The following LRFN5 variants were observed in gnomAD, a reference collection of about 807,000 sequenced individuals.
LRFN5 encodes the protein leucine rich repeat and fibronectin type III domain containing 5, also known as leucine-rich repeat and fibronectin type-III domain-containing protein 5.
Under a neutral mutation model 45.6 loss-of-function variants are expected in LRFN5, and 24 were observed. The ratio of observed to expected loss-of-function variants is 0.53; its 90% CI spans 0.38 to 0.74. LRFN5 has a LOEUF of 0.74. Among genes scored for constraint, LRFN5 ranks in the 30% least tolerant of loss-of-function variants. The pLI, the probability that LRFN5 is intolerant of heterozygous loss-of-function variation, is 0.00. For missense variants in LRFN5, 776 were observed against 861.5 expected (o/e 0.90, Z 1.24); for synonymous variants, 340 against 313.8 (o/e 1.08, Z -0.88).
intron 1 of LRFN5, among the ~76,000 whole-genome samples, chr14:41,678,424 A>C (rs1035932549): frequency 4.6e-5 from 7 of 152,138 alleles, no homozygotes; most frequent in African/African-American, 1.7e-4. Flanking sequence ...TTGCAGGGAG[A>C]AATAGACAAT....
In LRFN5 at chr14:41,887,697, AT is replaced by A; in HGVS notation, c.1074del (p.Ile358MetfsTer12). 9 of 1,614,150 alleles carry A rather than the reference AT, an allele frequency of 5.6e-6. No individual in the cohort carries two copies. Among genetic ancestry groups the A allele is most frequent in the Non-Finnish European group, 7.6e-6 (9 of 1,180,020 alleles). ...AAAGGATACAGGTGCTTTTACCTGC[AT>A]TGCTTCCAATCCTGCTGGGGAAGCA... ...TVKDTGAFTC[I>X]ASNPAGEATQ... On this transcript the variant is annotated frameshift_variant, in exon 3 of 6. Transcript: ENST00000298119. LOFTEE classifies it high-confidence loss of function. The surrounding 1 kb of genome is among the most constrained non-coding windows in gnomAD (Gnocchi z 4.8).
At chr14:41,742,192 T>A (rs915401929) in intron 1 of LRFN5, among the ~76,000 whole-genome samples, 3 of 151,866 alleles carry the variant, frequency 2.0e-5, no homozygotes, top group Non-Finnish European at 2.9e-5. Flanking sequence ...GAAATCAGCA[T>A]GTGAACGAGA....
chr14:41,725,491 CAG>C (rs1883892905), intron 1 of LRFN5, among the ~76,000 whole-genome samples: 1 of 152,160 alleles, frequency 6.6e-6, no homozygotes, highest in Non-Finnish European at 1.5e-5. Context: ...CACTGCCTGA[CAG>C]ATGAAAACTA....
rs535632926 is a variant in LRFN5, at chr14:41,800,776, AG to A, written c.-21+33748del. Among the ~76,000 whole-genome samples the A allele has an allele frequency of 2.4e-3, 340 of 140,650 alleles. 2 individuals carry two copies. Among genetic ancestry groups the A allele is most frequent in the Non-Finnish European group, 4.1e-3 (263 of 64,518 alleles). The allele number at this position is 140,650 out of a possible 152,430, so 92.3% of individuals were successfully genotyped here. On this transcript the variant is annotated intron_variant, in intron 2 of 5. Transcript: ENST00000298119. ...CCTAACTCATAAAAGATTACCCTGG[AG>A]AAAAAAAAAACACTGCAGTTCAAGG...
At chr14:41,734,318 A>ATATATATATATG (rs1884320189) in intron 1 of LRFN5, among the ~76,000 whole-genome samples, 8 of 59,588 alleles carry the variant, frequency 1.3e-4, no homozygotes, top group Non-Finnish European at 2.2e-4. Context: ...GACTGGTTTT[A>ATATATATATATG]TATATATATA....
chr14:41,796,618 A>C (rs1887140263), intron 2 of LRFN5, among the ~76,000 whole-genome samples: 1 of 151,930 alleles, frequency 6.6e-6, no homozygotes, highest in Admixed American at 6.6e-5. Flanking sequence ...GCATCTTATT[A>C]TATTAGCAAT....
intron 1 of LRFN5, among the ~76,000 whole-genome samples, chr14:41,626,080 C>G (rs1394346156): frequency 6.6e-6 from 1 of 151,840 alleles, no homozygotes; most frequent in Middle Eastern, 3.2e-3. Context: ...GTGGGAGGTT[C>G]TAGGGTAGGA....
chr14:41,660,605 C>T (rs1030962909), intron 1 of LRFN5, among the ~76,000 whole-genome samples: 1 of 151,828 alleles, frequency 6.6e-6, no homozygotes, highest in Non-Finnish European at 1.5e-5. Flanking sequence ...GTCTGTTATT[C>T]GTGTATATCT....
chr14:41,680,503 G>A (rs1183292970), intron 1 of LRFN5, among the ~76,000 whole-genome samples: 1 of 152,080 alleles, frequency 6.6e-6, no homozygotes, highest in Admixed American at 6.6e-5. Flanking sequence ...AGATCTTATC[G>A]GAGATGACCA....
intron 1 of LRFN5, among the ~76,000 whole-genome samples, chr14:41,693,489 A>G (rs1049350786): frequency 4.6e-5 from 7 of 151,890 alleles, no homozygotes; most frequent in African/African-American, 1.7e-4. Context: ...TTTTTTCTCA[A>G]CAATGTTTTG....
At chr14:41,874,946 C>T (rs1890138054) in intron 2 of LRFN5, among the ~76,000 whole-genome samples, 1 of 152,144 alleles carries the variant, frequency 6.6e-6, no homozygotes, top group South Asian at 2.1e-4. Flanking sequence ...AACTCACTCA[C>T]TGTCACAAGA....
At chr14:41,849,682 C>T (rs1346367284) in intron 2 of LRFN5, among the ~76,000 whole-genome samples, 3 of 151,952 alleles carry the variant, frequency 2.0e-5, no homozygotes, top group Non-Finnish European at 4.4e-5. Flanking sequence ...TATGCTCTTG[C>T]CCTTGTGGGG....
chr14:41,846,671 C>T (rs972107843), intron 2 of LRFN5, among the ~76,000 whole-genome samples: 6 of 152,124 alleles, frequency 3.9e-5, no homozygotes, highest in African/African-American at 1.4e-4. Flanking sequence ...GTTTCTGTAG[C>T]ATAGAAGTCT....
chr14:41,712,463 T>C (rs1289285229), intron 1 of LRFN5, among the ~76,000 whole-genome samples: 1 of 152,140 alleles, frequency 6.6e-6, no homozygotes, highest in Non-Finnish European at 1.5e-5. Flanking sequence ...TAGTTTTGTA[T>C]CTAGATATCT....
chr14:41,740,605 A>C (rs1884649743), intron 1 of LRFN5, among the ~76,000 whole-genome samples: 1 of 152,042 alleles, frequency 6.6e-6, no homozygotes, highest in African/African-American at 2.4e-5. Flanking sequence ...CATATTAAAC[A>C]GTGAAAAGTT....
chr14:41,862,333 C>T (rs1889693330), intron 2 of LRFN5, among the ~76,000 whole-genome samples: 1 of 152,108 alleles, frequency 6.6e-6, no homozygotes, highest in Admixed American at 6.6e-5. Context: ...TAGAATCACC[C>T]AGTACTTTAT....
At position 41,837,241 on chromosome 14, in the gene LRFN5, G is replaced by A. The variant is rs77825393; in HGVS notation, c.-20-49365G>A. ...AAAGCTAGCGTTTGAATAAATCTCA[G>A]TTAAATCAAGAGCATCAACAGTCAG... On this transcript the variant is annotated intron_variant, in intron 2 of 5. Coordinates refer to ENST00000298119, the MANE Select transcript of LRFN5 (RefSeq NM_152447.5). Among the ~76,000 whole-genome samples, 618 of 140,160 alleles carry A rather than the reference G, an allele frequency of 4.4e-3. 5 individuals carry two copies. The highest frequency in any genetic ancestry group is 0.015 in the African/African-American group (587 of 38,248). 92.0% of individuals were successfully genotyped at this position (140,160 alleles called of 152,430 possible). A position where few individuals can be genotyped will look rare whatever the true frequency, so the allele number is the denominator to read the frequency against.
At chr14:41,775,839 A>G (rs534286756) in intron 2 of LRFN5, among the ~76,000 whole-genome samples, 85 of 152,368 alleles carry the variant, frequency 5.6e-4, no homozygotes, top group African/African-American at 2.0e-3. Flanking sequence ...AGGTTGTATT[A>G]TGAAGCATTT....
chr14:41,894,152 A>G, intron 4 of LRFN5: 1 of 984,432 alleles, frequency 1.0e-6, no homozygotes, highest in South Asian at 4.7e-5. Context: ...ATCTTCAAAG[A>G]CTTTCTGGGA....
Sources: gnomAD v4.1 joint callset for allele counts (sites outside exome capture counted in the v4.1 genomes callset) on GRCh38, gnomAD v4.1.1 for gene constraint, Gnocchi (gnomAD v3.1) non-coding constraint, MANE v1.5 for transcripts, NCBI Gene and HGNC (gene_info 2026-07-23, HGNC 2026-07-21) for gene names.